The following STC2 variants were observed in gnomAD, a reference collection of about 807,000 sequenced individuals.
The protein encoded by STC2 is stanniocalcin-2.
STC2 carries 7 observed loss-of-function variants against 22.7 expected under a neutral mutation model. The ratio of observed to expected loss-of-function variants is 0.31; its 90% CI spans 0.18 to 0.58. The LOEUF (loss-of-function observed/expected upper bound fraction) is 0.58. STC2 is among the 20% of genes least tolerant of loss of function. The probability of loss-of-function intolerance (pLI) is 0.89; values close to 1 mark genes in which losing one functional copy is unlikely to be tolerated. For missense variants in STC2, 336 were observed against 406.2 expected (o/e 0.83, Z 1.48); for synonymous variants, 158 against 163.4 (o/e 0.97, Z 0.25).
intron 2 of STC2, among the ~76,000 whole-genome samples, chr5:173,324,458 A>G (rs1256567402): frequency 6.6e-6 from 1 of 152,240 alleles, no homozygotes; most frequent in African/African-American, 2.4e-5. Flanking sequence ...GTGGGAAGCC[A>G]GCCAGCACAT....
In STC2 at chr5:173,315,350, G is replaced by A. The variant is rs571108479; in HGVS notation, c.*2497C>T. 13 of 152,274 alleles carry A rather than the reference G, an allele frequency of 8.5e-5. No homozygotes were observed. The highest frequency in any genetic ancestry group is 2.1e-4 in the South Asian group (1 of 4,824). 9.4% of individuals were successfully genotyped at this position (152,274 alleles called of 1,614,324 possible). On this transcript the variant is annotated 3_prime_UTR_variant, in exon 4 of 4. Coordinates refer to ENST00000265087, the MANE Select transcript of STC2 (RefSeq NM_003714.3). ...AATACTGTTGCATGCTTCCAATAAC[G>A]TGAGGGATGGGATAGAAATGCTATC...
In STC2 at chr5:173,325,991, C is replaced by G. The variant is rs777050582; in HGVS notation, c.171G>C (p.Leu57Phe). The change falls in exon 2 of 4, where the codon TTG (leucine) becomes TTC (phenylalanine). Residue 57 changes from leucine (L) to phenylalanine (F), a missense_variant. Leu to Phe is a conservative substitution (Grantham distance 22, BLOSUM62 0). Transcript: ENST00000265087. This position sits in a 1 kb window ranked among gnomAD's most constrained non-coding sequence, Gnocchi z 4.7. ...CACACCCCACATCGCCAGCGTTGAC[C>G]AAACAGTGCTGGATCTCCGCTAAAA... is the stretch of plus-strand genomic sequence containing the variant. ...LQNTAEIQHC[L>F]VNAGDVGCGV... 6.2e-7 allele frequency: 1 copy of G among 1,614,166 alleles called. No individual in the cohort carries two copies. Among genetic ancestry groups the G allele is most frequent in the Non-Finnish European group, 8.5e-7 (1 of 1,180,026 alleles).
chr5:173,321,094 G>T (rs1762478882), intron 3 of STC2, among the ~76,000 whole-genome samples: 1 of 152,050 alleles, frequency 6.6e-6, no homozygotes. Context: ...TGGGCTGCCT[G>T]CATTTCCAGA....
In STC2 at chr5:173,323,194, A is replaced by AG; in HGVS notation, c.506+24dup. The stretch of plus-strand genomic sequence containing the variant: ...TCCTTGCTGGGTGGCCCCTTCACCC[A>AG]GGCCCTCTGCGGGGCAGTACTCACT... On this transcript the variant is annotated intron_variant, in intron 3 of 3. Coordinates refer to ENST00000265087, the MANE Select transcript of STC2 (RefSeq NM_003714.3). This position sits in a 1 kb window ranked among gnomAD's most constrained non-coding sequence, Gnocchi z 5.4. 1 of 1,613,178 alleles carries AG rather than the reference A, an allele frequency of 6.2e-7. No homozygotes were observed. The highest frequency in any genetic ancestry group is 1.7e-4 in the Middle Eastern group (1 of 6,060).
At chr5:173,327,188 G>C (rs1288004408) in intron 1 of STC2, among the ~76,000 whole-genome samples, 1 of 152,260 alleles carries the variant, frequency 6.6e-6, no homozygotes, top group Non-Finnish European at 1.5e-5. Flanking sequence ...ATGGGCACTC[G>C]TGCATTCCAG....
rs570555839 is a variant in STC2 at position 173,325,077 on chromosome 5, G to A, written c.294+791C>T. The stretch of plus-strand genomic sequence containing the variant: ...AGCTGATGGCCACCTCCAAATGTTG[G>A]CATTGCTCTCCAATGAAGCAGGAGA... On this transcript the variant is annotated intron_variant, in intron 2 of 3. Transcript: ENST00000265087. This position sits in a 1 kb window ranked among gnomAD's most constrained non-coding sequence, Gnocchi z 4.7. 6.6e-6 allele frequency among the ~76,000 whole-genome samples: 1 copy of A among 152,332 alleles called. No homozygotes were observed. Among genetic ancestry groups the A allele is most frequent in the East Asian group, 1.9e-4 (1 of 5,192 alleles).
intron 3 of STC2, among the ~76,000 whole-genome samples, chr5:173,318,738 G>T (rs537282641): frequency 1.3e-5 from 2 of 152,166 alleles, no homozygotes; most frequent in Non-Finnish European, 2.9e-5. Flanking sequence ...AACCATGAAG[G>T]TTTAGGACCA....
rs937403328 is a variant in STC2 at position 173,325,973 on chromosome 5, C to T, written c.189G>A (p.Val63=). The part of the protein sequence containing the change: ...IQHCLVNAGD[V]GCGVFECFEN... ...CGAAACATTCAAACACGCCACACCC[C>T]ACATCGCCAGCGTTGACCAAACAGT... The change falls in exon 2 of 4, where the codon GTG becomes GTA. Residue 63 remains valine (V), a synonymous_variant. Transcript: ENST00000265087. The surrounding 1 kb of genome is among the most constrained non-coding windows in gnomAD (Gnocchi z 4.7). The T allele has an allele frequency of 6.2e-7, 1 of 1,614,162 alleles. No homozygotes were observed. Among genetic ancestry groups the T allele is most frequent in the African/African-American group, 1.3e-5 (1 of 75,040 alleles).
Position 173,323,491 on chromosome 5 carries a change from G to A in STC2, c.295-61C>T, listed in dbSNP as rs899439480. ...CAGAAAGCAGAAGACCTCGTTACATGCTTGGACATTTCAGCCCTTCTTGGG... is the reference window on the plus strand; with the variant it reads ...CAGAAAGCAGAAGACCTCGTTACATACTTGGACATTTCAGCCCTTCTTGGG... On this transcript the variant is annotated intron_variant, in intron 2 of 3. Coordinates refer to ENST00000265087, the MANE Select transcript of STC2 (RefSeq NM_003714.3). This position sits in a 1 kb window ranked among gnomAD's most constrained non-coding sequence, Gnocchi z 5.4. 1 of 1,464,878 alleles carries A rather than the reference G, an allele frequency of 6.8e-7. No individual in the cohort carries two copies. 90.7% of individuals were successfully genotyped at this position (1,464,878 alleles called of 1,614,324 possible). A position where few individuals can be genotyped will look rare whatever the true frequency, so the allele number is the denominator to read the frequency against.
chr5:173,325,903 T>G lies in STC2; in HGVS notation c.259A>C (p.Thr87Pro), dbSNP rs775794210. Residue 87 changes from threonine (T) to proline (P), a missense_variant, in exon 2 of 4, where the codon ACT (threonine) becomes CCT (proline). Thr to Pro is a conservative substitution (Grantham distance 38). Transcript: ENST00000265087. This position sits in a 1 kb window ranked among gnomAD's most constrained non-coding sequence, Gnocchi z 4.7. ...EIRGLHGICMTFLHNAGKFDA... is the reference protein window; with the variant it reads ...EIRGLHGICMPFLHNAGKFDA... ...AATTTTCCAGCGTTGTGCAGAAAAGTCATGCAAATCCCATGTAAGCCCCGA... is the reference window on the plus strand; with the variant it reads ...AATTTTCCAGCGTTGTGCAGAAAAGGCATGCAAATCCCATGTAAGCCCCGA... The G allele has an allele frequency of 6.2e-7, 1 of 1,614,234 alleles. No individual in the cohort carries two copies.
chr5:173,328,208 A>G lies in STC2; in HGVS notation c.-15T>C. On this transcript the variant is annotated 5_prime_UTR_variant, in exon 1 of 4. Transcript: ENST00000265087. Reference sequence around the variant, plus strand: ...TCGGCACACATGGTTCTTGGTATTAACCTCCCGTCGGGAGACCTGGATCCT... The same window carrying G: ...TCGGCACACATGGTTCTTGGTATTAGCCTCCCGTCGGGAGACCTGGATCCT... The G allele has an allele frequency of 6.9e-7, 1 of 1,447,308 alleles. No individual in the cohort carries two copies. Among genetic ancestry groups the G allele is most frequent in the East Asian group, 2.7e-5 (1 of 37,236 alleles). 89.7% of individuals were successfully genotyped at this position (1,447,308 alleles called of 1,614,324 possible). A position where few individuals can be genotyped will look rare whatever the true frequency, so the allele number is the denominator to read the frequency against.
At chr5:173,320,889 T>G (rs1360129015) in intron 3 of STC2, among the ~76,000 whole-genome samples, 2 of 150,276 alleles carry the variant, frequency 1.3e-5, no homozygotes, top group East Asian at 3.9e-4. Flanking sequence ...CTTTAATCAG[T>G]TAAGATGGTT....
Position 173,318,003 on chromosome 5 carries a change from A to G in STC2, c.753T>C (p.Ser251=), listed in dbSNP as rs553028297. Residue 251 remains serine (S), a synonymous_variant, in exon 4 of 4, where the codon AGT becomes AGC. Transcript: ENST00000265087. ...EAGHHLPEPS[S]RETGRGAKGE... ...CCTTGGCACCTCGGCCAGTCTCCCT[A>G]CTGCTGGGCTCTGGGAGGTGATGTC... is the stretch of plus-strand genomic sequence containing the variant. The G allele has an allele frequency of 2.5e-6, 4 of 1,612,378 alleles. No homozygotes were observed. Among genetic ancestry groups the G allele is most frequent in the Non-Finnish European group, 2.5e-6 (3 of 1,179,752 alleles).
intron 2 of STC2, among the ~76,000 whole-genome samples, chr5:173,324,915 G>A (rs1762528244): frequency 1.3e-5 from 2 of 152,084 alleles, no homozygotes; most frequent in Non-Finnish European, 2.9e-5. Flanking sequence ...TTCCCCTCTG[G>A]CCACACCGCA....
rs1311634104 is a variant in STC2 at position 173,318,084 on chromosome 5, C to A, written c.672G>T (p.Glu224Asp). The stretch of plus-strand genomic sequence containing the variant: ...TGGTTCTGTCCACCTGGGGCTGGCG[C>A]TCGGGGGGCGCCGTGGGAGGCTTCT... ...AIQKPPTAPP[E>D]RQPQVDRTKL... Residue 224 changes from glutamate to aspartate, a missense_variant, in exon 4 of 4, where the codon GAG becomes GAT. Around this residue, in one of 3 missense-constraint regions of STC2, gnomAD observed 215 missense variants for 231.5 expected, o/e 0.93. Coordinates refer to ENST00000265087, the MANE Select transcript of STC2 (RefSeq NM_003714.3). 1.2e-6 allele frequency: 2 copies of A among 1,607,622 alleles called. No individual in the cohort carries two copies. Among genetic ancestry groups the A allele is most frequent in the South Asian group, 1.1e-5 (1 of 90,830 alleles).
At position 173,325,269 on chromosome 5, in the gene STC2, A is replaced by G. The variant is rs1189693253; in HGVS notation, c.294+599T>C. On this transcript the variant is annotated intron_variant, in intron 2 of 3. Transcript: ENST00000265087. This position sits in a 1 kb window ranked among gnomAD's most constrained non-coding sequence, Gnocchi z 4.7. ...GTGTTCCTGCCTTGCCCTGAGCAGC[A>G]ACTCCGCGTTCCCCTTGGGACCCTG... 6.6e-6 allele frequency among the ~76,000 whole-genome samples: 1 copy of G among 152,220 alleles called. No individual in the cohort carries two copies. Among genetic ancestry groups the G allele is most frequent in the Admixed American group, 6.5e-5 (1 of 15,278 alleles).
intron 1 of STC2, chr5:173,326,787 C>T (rs1398180255): frequency 6.6e-6 from 1 of 152,092 alleles, no homozygotes; most frequent in South Asian, 2.1e-4. Flanking sequence ...AGTCCTCTCT[C>T]GGAAGGGGCA....
In STC2 at chr5:173,323,273, T is replaced by C. The variant is rs1164702088; in HGVS notation, c.452A>G (p.Glu151Gly). The C allele has an allele frequency of 2.5e-6, 4 of 1,614,036 alleles. No homozygotes were observed. The highest frequency in any genetic ancestry group is 3.4e-6 in the Non-Finnish European group (4 of 1,180,024). Residue 151 changes from glutamate to glycine, a missense_variant, in exon 3 of 4, where the codon GAG (glutamate) becomes GGG (glycine). Glu to Gly is a moderately conservative substitution (Grantham distance 98). Coordinates refer to ENST00000265087, the MANE Select transcript of STC2 (RefSeq NM_003714.3). This position sits in a 1 kb window ranked among gnomAD's most constrained non-coding sequence, Gnocchi z 5.4. Reference sequence around the variant, plus strand: ...CATCTCCACTATCACCCGGGTGTTCTCCTGGGCAGCCGCGCACAGGTCGTG... The same window carrying C: ...CATCTCCACTATCACCCGGGTGTTCCCCTGGGCAGCCGCGCACAGGTCGTG... Reference protein sequence around the residue: ...LKHDLCAAAQENTRVIVEMIH... With the variant: ...LKHDLCAAAQGNTRVIVEMIH...
chr5:173,317,971 C>G lies in STC2; in HGVS notation c.785G>C (p.Arg262Pro). 4 of 1,613,444 alleles carry G rather than the reference C, an allele frequency of 2.5e-6. No homozygotes were observed. The highest frequency in any genetic ancestry group is 3.4e-6 in the Non-Finnish European group (4 of 1,179,984). Residue 262 changes from arginine (R) to proline (P), a missense_variant, in exon 4 of 4, where the codon CGA (arginine) becomes CCA (proline). Arg to Pro is a moderately radical substitution (Grantham distance 103). Around this residue, in one of 3 missense-constraint regions of STC2, gnomAD observed 215 missense variants for 231.5 expected, o/e 0.93. Coordinates refer to ENST00000265087, the MANE Select transcript of STC2 (RefSeq NM_003714.3). ...GGCGTTTGGGTGGCTCTTGCTACCT[C>G]GCTCACCCTTGGCACCTCGGCCAGT... The part of the protein sequence containing the change: ...RETGRGAKGE[R>P]GSKSHPNAHA...
Sources: allele counts gnomAD v4.1 joint callset (sites outside exome capture counted in the v4.1 genomes callset), GRCh38; gene constraint gnomAD v4.1.1; regional missense constraint gnomAD v4.1.1; non-coding constraint Gnocchi (gnomAD v3.1); transcripts MANE v1.5; gene names NCBI Gene and HGNC (gene_info 2026-07-23, HGNC 2026-07-21).